The following ATP1B3 variants were observed in gnomAD, a reference collection of about 807,000 sequenced individuals.
ATP1B3 encodes sodium/potassium-transporting ATPase subunit beta-3.
Under a neutral mutation model 30.2 loss-of-function variants are expected in ATP1B3, and 10 were observed. The observed-to-expected ratio is 0.33, with a 90% CI of 0.20 to 0.56. ATP1B3 has a LOEUF of 0.56. Among genes scored for constraint, ATP1B3 ranks in the 20% least tolerant of loss-of-function variants. The probability of loss-of-function intolerance (pLI) is 0.90; values close to 1 mark genes in which losing one functional copy is unlikely to be tolerated. For synonymous variants in ATP1B3, 113 were observed against 117.0 expected (o/e 0.97, Z 0.22); for missense variants, 238 against 336.7 (o/e 0.71, Z 2.29).
At position 141,876,826 on chromosome 3, in the gene ATP1B3, C is replaced by T; in HGVS notation, c.25C>T (p.Leu9Phe). 1 of 1,589,100 alleles carries T rather than the reference C, an allele frequency of 6.3e-7. No homozygotes were observed. The highest frequency in any genetic ancestry group is 8.6e-7 in the Non-Finnish European group (1 of 1,167,220). MTKNEKKS[L>F]NQSLAEWKLF... is the part of the protein sequence containing the mutation. ...CATGACGAAGAACGAGAAGAAGTCC[C>T]TCAACCAGAGCCTGGCCGAGTGGAA... The change falls in exon 1 of 7, where the codon CTC becomes TTC. Residue 9 changes from leucine to phenylalanine, a missense_variant. Physicochemically the swap from Leu to Phe is conservative, Grantham distance 22. This residue lies in a region of ATP1B3 where 130 missense variants were observed against 148.8 expected (regional missense o/e 0.87). Coordinates refer to ENST00000286371, the MANE Select transcript of ATP1B3 (RefSeq NM_001679.4).
At chr3:141,917,624 G>A (rs1010636052) in intron 5 of ATP1B3, among the ~76,000 whole-genome samples, 3 of 151,964 alleles carry the variant, frequency 2.0e-5, no homozygotes, top group Admixed American at 1.3e-4. Context: ...AACCTGGGAG[G>A]TGGAGGTTGC....
intron 5 of ATP1B3, among the ~76,000 whole-genome samples, chr3:141,917,906 T>C (rs1391994809): frequency 6.6e-6 from 1 of 151,846 alleles, no homozygotes; most frequent in African/African-American, 2.4e-5. Flanking sequence ...TAACTGGGAC[T>C]ACAGGCGACC....
chr3:141,876,936 G>C (rs756734558), intron 1 of ATP1B3, 26 bp downstream of exon 1: 1 of 1,531,400 alleles, frequency 6.5e-7, no homozygotes, highest in Admixed American at 2.0e-5. Flanking sequence ...CTGGGCGTCC[G>C]GGGCCGGCCT....
chr3:141,884,020 C>T (rs1424088858), intron 1 of ATP1B3, among the ~76,000 whole-genome samples: 2 of 152,166 alleles, frequency 1.3e-5, no homozygotes, highest in Non-Finnish European at 2.9e-5. Flanking sequence ...TTGCTCTTTT[C>T]AGCTTCTTAT....
intron 1 of ATP1B3, among the ~76,000 whole-genome samples, chr3:141,892,341 A>C (rs886065931): frequency 6.6e-6 from 1 of 152,036 alleles, no homozygotes; most frequent in Non-Finnish European, 1.5e-5. Flanking sequence ...GCCAAGACCT[A>C]TTTTATTTTC....
intron 1 of ATP1B3, among the ~76,000 whole-genome samples, chr3:141,895,087 ATGTC>A (rs1292946089): frequency 8.0e-5 from 12 of 150,906 alleles, no homozygotes; most frequent in African/African-American, 2.9e-4. Context: ...TACGTGGTGT[ATGTC>A]TGTATGTGGA....
chr3:141,901,667 A>G (rs1041563463), intron 1 of ATP1B3, among the ~76,000 whole-genome samples: 25 of 151,810 alleles, frequency 1.6e-4, no homozygotes, highest in African/African-American at 5.8e-4. Context: ...GCAGATTTGG[A>G]TATAGTTTGT....
rs948521624 is a variant in ATP1B3, at chr3:141,884,155, T to A, written c.109+7245T>A. Reference sequence around the variant, plus strand: ...CTATTACTAATAATATTTCGGAAAATTTTTTTTAACATAATAACCTCCCAC... The same window carrying A: ...CTATTACTAATAATATTTCGGAAAAATTTTTTTAACATAATAACCTCCCAC... On this transcript the variant is annotated intron_variant, in intron 1 of 6. Transcript: ENST00000286371. Among the ~76,000 whole-genome samples, 6 of 152,062 alleles carry A rather than the reference T, an allele frequency of 3.9e-5. No individual in the cohort carries two copies. The East Asian group carries it at 7.7e-4, about 20-fold the overall frequency.
intron 1 of ATP1B3, among the ~76,000 whole-genome samples, chr3:141,877,143 C>A (rs1416822972): frequency 1.3e-5 from 2 of 151,144 alleles, no homozygotes; most frequent in Admixed American, 1.3e-4. Flanking sequence ...CCCGGCCGGG[C>A]CGCGCTGGTT....
intron 5 of ATP1B3, among the ~76,000 whole-genome samples, chr3:141,920,235 C>A (rs893404782): frequency 6.6e-6 from 1 of 151,902 alleles, no homozygotes; most frequent in Non-Finnish European, 1.5e-5. Flanking sequence ...GCTTGTTAGG[C>A]CTAAAGGAGG....
chr3:141,906,211 G>A lies in ATP1B3; in HGVS notation c.239-956G>A, dbSNP rs7619314. Among the ~76,000 whole-genome samples, 317 of 149,822 alleles carry A rather than the reference G, an allele frequency of 2.1e-3. 1 individual carries two copies. The highest frequency in any genetic ancestry group is 7.5e-3 in the African/African-American group (307 of 40,678). On this transcript the variant is annotated intron_variant, in intron 2 of 6. Coordinates refer to ENST00000286371, the MANE Select transcript of ATP1B3 (RefSeq NM_001679.4). ...TTTTTTTTTTTTGAGACGAAGTCTC[G>A]CTCTGTCGCCCAGGCTGGAGTGCAA...
chr3:141,876,928 G>A lies in ATP1B3; in HGVS notation c.109+18G>A, dbSNP rs753292947. The A allele has an allele frequency of 6.5e-7, 1 of 1,542,362 alleles. No homozygotes were observed. Among genetic ancestry groups the A allele is most frequent in the Admixed American group, 1.9e-5 (1 of 51,630 alleles). On this transcript the variant is annotated intron_variant, in intron 1 of 6. Coordinates refer to ENST00000286371, the MANE Select transcript of ATP1B3 (RefSeq NM_001679.4). Reference sequence around the variant, plus strand: ...GAGCTGGGGTGAGCGGGCAGCAGCTGGGCGTCCGGGGCCGGCCTCGGTCCC... The same window carrying A: ...GAGCTGGGGTGAGCGGGCAGCAGCTAGGCGTCCGGGGCCGGCCTCGGTCCC...
At chr3:141,892,313 T>C (rs1933969625) in intron 1 of ATP1B3, among the ~76,000 whole-genome samples, 1 of 152,220 alleles carries the variant, frequency 6.6e-6, no homozygotes, top group Non-Finnish European at 1.5e-5. Context: ...TAATGCCATA[T>C]CTACATTTCT....
intron 1 of ATP1B3, among the ~76,000 whole-genome samples, chr3:141,879,811 C>CTTTTTTT (rs150389395): frequency 0.067 from 3,876 of 57,742 alleles, 237 homozygotes; most frequent in Middle Eastern, 0.095. Flanking sequence ...TTGGTAACAG[C>CTTTTTTT]TTTTTTTTTT....
intron 3 of ATP1B3, among the ~76,000 whole-genome samples, chr3:141,912,553 G>T (rs1424359093): frequency 6.6e-6 from 1 of 152,128 alleles, no homozygotes; most frequent in African/African-American, 2.4e-5. Context: ...GAGCCACTGC[G>T]CCTGGCCTGG....
intron 3 of ATP1B3, 85 bp downstream of exon 3, chr3:141,907,359 C>A (rs1934282305): frequency 9.3e-7 from 1 of 1,071,914 alleles, no homozygotes; most frequent in Non-Finnish European, 1.3e-6. Flanking sequence ...GTAGCTCACG[C>A]CTGTAATCCC....
At chr3:141,906,987 G>A (rs1373163373) in intron 2 of ATP1B3, among the ~76,000 whole-genome samples, 180 bp from the exon 3 acceptor site, 1 of 152,156 alleles carries the variant, frequency 6.6e-6, no homozygotes, top group African/African-American at 2.4e-5. Flanking sequence ...TTGAAGGTTT[G>A]AGTTATTTTT....
chr3:141,919,142 T>C (rs1934521234), intron 5 of ATP1B3: 1 of 152,252 alleles, frequency 6.6e-6, no homozygotes, highest in South Asian at 2.1e-4. Flanking sequence ...TCAAGCGTTC[T>C]TTAAATTCTT....
intron 1 of ATP1B3, 140 bp from the exon 2 acceptor site, chr3:141,903,480 T>C (rs1934205179): frequency 5.6e-6 from 7 of 1,252,822 alleles, no homozygotes. Flanking sequence ...GTCCTGAATA[T>C]GAGGATATTT....
Sources: allele counts gnomAD v4.1 joint callset (sites outside exome capture counted in the v4.1 genomes callset), GRCh38; gene constraint gnomAD v4.1.1; regional missense constraint gnomAD v4.1.1; transcripts MANE v1.5; gene names NCBI Gene and HGNC (gene_info 2026-07-23, HGNC 2026-07-21).